Variants in KIF13A observed in about 807,000 individuals in gnomAD.
KIF13A encodes the protein kinesin family member 13A.
A neutral mutation model predicts 212.2 loss-of-function variants in KIF13A; 79 were observed. The ratio of observed to expected loss-of-function variants is 0.37; its 90% CI spans 0.31 to 0.45. The LOEUF (loss-of-function observed/expected upper bound fraction) is 0.45, where lower values mean the gene tolerates loss of function less well. KIF13A is among the 20% of genes least tolerant of loss of function. The pLI, the probability that KIF13A is intolerant of heterozygous loss-of-function variation, is 1.00. For missense variants in KIF13A, 1,901 were observed against 2,209.0 expected (o/e 0.86, Z 2.79); for synonymous variants, 789 against 808.6 (o/e 0.98, Z 0.41).
At chr6:17,941,525 T>C (rs1236536569) in intron 2 of KIF13A, among the ~76,000 whole-genome samples, 2 of 152,042 alleles carry the variant, frequency 1.3e-5, no homozygotes, top group African/African-American at 4.8e-5. Context: ...CCTAATGCAT[T>C]ATGACTGGTG....
intron 25 of KIF13A, among the ~76,000 whole-genome samples, chr6:17,792,196 C>CAAAAAA (rs10666115): frequency 5.3e-5 from 4 of 75,086 alleles, no homozygotes; most frequent in Non-Finnish European, 7.1e-5. Flanking sequence ...GAGTGAGACT[C>CAAAAAA]AAAAAAAAAA....
chr6:17,960,902 T>C (rs1581865072), intron 2 of KIF13A, among the ~76,000 whole-genome samples: 2 of 152,190 alleles, frequency 1.3e-5, no homozygotes, highest in African/African-American at 4.8e-5. Flanking sequence ...TTCATTGTTT[T>C]TGAGCACGAA....
intron 3 of KIF13A, among the ~76,000 whole-genome samples, chr6:17,896,752 TA>T (rs1772603712): frequency 6.6e-6 from 1 of 152,242 alleles, no homozygotes; most frequent in African/African-American, 2.4e-5. Flanking sequence ...TAGTGGTTTT[TA>T]AAAATGTTTT....
At chr6:17,818,245 G>A (rs1009693080) in intron 16 of KIF13A, among the ~76,000 whole-genome samples, 1 of 152,156 alleles carries the variant, frequency 6.6e-6, no homozygotes, top group South Asian at 2.1e-4. Context: ...ACATTTGCCT[G>A]CTATTCAGTG....
Position 17,822,498 on chromosome 6 carries a change from A to C in KIF13A, c.1786+3270T>G, listed in dbSNP as rs553416156. Among the ~76,000 whole-genome samples the C allele has an allele frequency of 5.7e-3, 870 of 152,290 alleles. 6 individuals carry two copies. The highest frequency in any genetic ancestry group is 0.02 in the African/African-American group (820 of 41,566). On this transcript the variant is annotated intron_variant, in intron 16 of 38. Transcript: ENST00000259711. ...CAGAGGAATTAACAAATGCTTACTG[A>C]ATACTCATTGATTATTGAAGGAGTT...
chr6:17,939,586 A>C (rs1239247297), intron 2 of KIF13A, among the ~76,000 whole-genome samples: 2 of 152,202 alleles, frequency 1.3e-5, no homozygotes, highest in Non-Finnish European at 2.9e-5. Flanking sequence ...TCTAAGTCAC[A>C]GGATGAGGTA....
Position 17,837,551 on chromosome 6 carries a change from G to A in KIF13A, c.863C>T (p.Ser288Leu), listed in dbSNP as rs1766080379. 5.6e-6 allele frequency: 9 copies of A among 1,608,640 alleles called. No homozygotes were observed. The highest frequency in any genetic ancestry group is 6.8e-6 in the Non-Finnish European group (8 of 1,177,282). Residue 288 changes from serine to leucine, a missense_variant, in exon 10 of 39, where the codon TCA becomes TTA. By Grantham distance (145) the Ser-to-Leu change is moderately radical. Coordinates refer to ENST00000259711, the MANE Select transcript of KIF13A (RefSeq NM_022113.6). The surrounding 1 kb of genome is among the most constrained non-coding windows in gnomAD (Gnocchi z 5.4). ...SLTTLGLVIS[S>L]LADQAAGKGK... is the part of the protein sequence containing the mutation. Reference sequence around the variant, plus strand: ...CTTGCCAGCTGCCTGGTCAGCCAGTGATGATATAACCAACCCCAAGGTTGT... The same window carrying A: ...CTTGCCAGCTGCCTGGTCAGCCAGTAATGATATAACCAACCCCAAGGTTGT...
intron 38 of KIF13A, chr6:17,770,733 C>A (rs1759422949): frequency 3.3e-6 from 3 of 916,438 alleles, no homozygotes; most frequent in African/African-American, 1.8e-5. Flanking sequence ...GCATTAAATG[C>A]ATGATTACTT....
intron 4 of KIF13A, among the ~76,000 whole-genome samples, chr6:17,868,989 C>CAAAAAAAAAAAAAAAAAAAAAAAAAAAA (rs71002278): frequency 9.6e-5 from 2 of 20,920 alleles, no homozygotes; most frequent in African/African-American, 1.4e-4. Flanking sequence ...GACTCCCTCT[C>CAAAAAAAAAAAAAAAAAAAAAAAAAAAA]AAAAAAAAAA....
At chr6:17,763,181 C>T (rs893427392), downstream of KIF13A, among the ~76,000 whole-genome samples, 11 of 152,058 alleles carry the variant, frequency 7.2e-5, no homozygotes, top group Admixed American at 4.6e-4. Flanking sequence ...ATTTTGTTCC[C>T]GTATGAAAAT....
Position 17,809,116 on chromosome 6 carries a change from T to C in KIF13A, c.2001-186A>G, listed in dbSNP as rs960397197. Among the ~76,000 whole-genome samples, 10 of 152,186 alleles carry C rather than the reference T, an allele frequency of 6.6e-5. No homozygotes were observed. Among genetic ancestry groups the C allele is most frequent in the Non-Finnish European group, 5.9e-5 (4 of 68,028 alleles). On this transcript the variant is annotated intron_variant, in intron 17 of 38. Transcript: ENST00000259711. The surrounding 1 kb of genome is among the most constrained non-coding windows in gnomAD (Gnocchi z 4.7). ...TGGGCTATCTGTTGAGAACTACTGA[T>C]GGGAAGCAAATTGTTGAGCAACTTA... is the stretch of plus-strand genomic sequence containing the variant.
At chr6:17,896,563 C>T (rs572207953) in intron 3 of KIF13A, among the ~76,000 whole-genome samples, 1 of 152,150 alleles carries the variant, frequency 6.6e-6, no homozygotes, top group East Asian at 1.9e-4. Context: ...TCCAGATGTG[C>T]CTTATGGCAT....
chr6:17,763,599 T>C (rs1462607396), downstream of KIF13A: 2 of 160,284 alleles, frequency 1.2e-5, no homozygotes, highest in Admixed American at 6.3e-5. Flanking sequence ...CTTTTTCACC[T>C]ACGGGCACCA....
chr6:17,882,566 A>T (rs920416971), intron 3 of KIF13A, among the ~76,000 whole-genome samples: 7 of 144,300 alleles, frequency 4.9e-5, no homozygotes, highest in African/African-American at 1.5e-4. Flanking sequence ...TCCTTTATAA[A>T]TTTTTTTTTT....
chr6:17,873,533 GC>G, intron 3 of KIF13A, 96 bp from the exon 4 acceptor site: 2 of 813,566 alleles, frequency 2.5e-6, no homozygotes, highest in Non-Finnish European at 4.0e-6. Context: ...GAGAAGGATG[GC>G]CACTACTGTC....
intron 17 of KIF13A, among the ~76,000 whole-genome samples, chr6:17,810,424 G>T (rs187303067): frequency 1.2e-3 from 180 of 152,170 alleles, no homozygotes; most frequent in Middle Eastern, 3.4e-3. Flanking sequence ...AATGGTTTTT[G>T]AACTTAATTT....
Position 17,826,863 on chromosome 6 carries a change from AT to A in KIF13A, c.1533-740del, listed in dbSNP as rs1765003561. Among the ~76,000 whole-genome samples the A allele has an allele frequency of 6.6e-6, 1 of 152,118 alleles. No individual in the cohort carries two copies. Among genetic ancestry groups the A allele is most frequent in the Non-Finnish European group, 1.5e-5 (1 of 68,030 alleles). ...ATCTTTTAGAGAGACATAGTGAGAT[AT>A]TTATAGATACAATGTTATAAAATCT... On this transcript the variant is annotated intron_variant, in intron 14 of 38. Transcript: ENST00000259711. The surrounding 1 kb of genome is among the most constrained non-coding windows in gnomAD (Gnocchi z 4.7).
Position 17,777,518 on chromosome 6 carries a change from C to A in KIF13A, c.4093-164G>T, listed in dbSNP as rs754569741. On this transcript the variant is annotated intron_variant, in intron 33 of 38. Transcript: ENST00000259711. The surrounding 1 kb of genome is among the most constrained non-coding windows in gnomAD (Gnocchi z 4.4). Reference sequence around the variant, plus strand: ...GCCTCAGTCTCCTGAGTAGCTGGGACTACAGGTGCACGCCACCACACTCGG... The same window carrying A: ...GCCTCAGTCTCCTGAGTAGCTGGGAATACAGGTGCACGCCACCACACTCGG... Among the ~76,000 whole-genome samples the A allele has an allele frequency of 7.9e-5, 12 of 151,834 alleles. No homozygotes were observed. The highest frequency in any genetic ancestry group is 1.6e-4 in the Non-Finnish European group (11 of 67,980).
intron 2 of KIF13A, among the ~76,000 whole-genome samples, chr6:17,981,534 C>T (rs1781091948): frequency 6.6e-6 from 1 of 151,644 alleles, no homozygotes; most frequent in Non-Finnish European, 1.5e-5. Context: ...AAGCATTCCC[C>T]TGCCTCAGCC....
Sources: gnomAD v4.1 joint callset for allele counts (sites outside exome capture counted in the v4.1 genomes callset) on GRCh38, gnomAD v4.1.1 for gene constraint, Gnocchi (gnomAD v3.1) non-coding constraint, MANE v1.5 for transcripts, NCBI Gene and HGNC (gene_info 2026-07-23, HGNC 2026-07-21) for gene names.